The following FSHR variants were observed in gnomAD, a reference collection of about 807,000 sequenced individuals.
The protein encoded by FSHR is follicle-stimulating hormone receptor.
In FSHR, 46 loss-of-function variants were observed where a neutral mutation model predicts 52.1. The ratio of observed to expected loss-of-function variants is 0.88; its 90% confidence interval spans 0.70 to 1.13. The LOEUF is 1.13. Among genes scored for constraint, FSHR ranks in the 50% most tolerant of loss-of-function variants. The pLI is 0.00. For synonymous variants in FSHR, 399 were observed against 309.6 expected (o/e 1.29, Z -3.03); for missense variants, 964 against 834.6 (o/e 1.16, Z -1.91).
chr2:49,065,992 C>T (rs1669489643), intron 2 of FSHR, among the ~76,000 whole-genome samples: 2 of 152,042 alleles, frequency 1.3e-5, no homozygotes, highest in Non-Finnish European at 2.9e-5. Context: ...AAGTAGAATT[C>T]ACTGGATCTT....
Position 49,082,814 on chromosome 2 carries a change from G to A in FSHR, c.153-14524C>T, listed in dbSNP as rs568077174. On this transcript the variant is annotated intron_variant, in intron 1 of 9. Transcript: ENST00000406846. ...TAGAGAAAAAAGAATAAAAAGAAAC[G>A]AGCAAAGCCTCCAAGAAATATGGGA... Among the ~76,000 whole-genome samples, 131 of 152,224 alleles carry A rather than the reference G, an allele frequency of 8.6e-4. 1 individual carries two copies. In the Middle Eastern group the frequency reaches 0.031, roughly 36 times the overall value.
intron 6 of FSHR, among the ~76,000 whole-genome samples, chr2:48,985,157 C>T (rs1171400374): frequency 6.6e-6 from 1 of 152,134 alleles, no homozygotes; most frequent in African/African-American, 2.4e-5. Context: ...CTGGGCAGAA[C>T]ATCAACTAAG....
At chr2:49,035,565 T>C (rs975979251) in intron 2 of FSHR, among the ~76,000 whole-genome samples, 1 of 152,204 alleles carries the variant, frequency 6.6e-6, no homozygotes, top group Admixed American at 6.5e-5. Flanking sequence ...TTAAGGCTCT[T>C]GATCCACCTT....
intron 1 of FSHR, among the ~76,000 whole-genome samples, chr2:49,119,802 A>G (rs1357443474): frequency 6.6e-6 from 1 of 152,236 alleles, no homozygotes; most frequent in Non-Finnish European, 1.5e-5. Context: ...TTTCACACTT[A>G]GAGCTGTGTG....
At chr2:49,087,076 T>TTTTTTG (rs1670426272) in intron 1 of FSHR, among the ~76,000 whole-genome samples, 2 of 142,600 alleles carry the variant, frequency 1.4e-5, no homozygotes, top group Non-Finnish European at 3.0e-5. Context: ...CAGGGTTTTT[T>TTTTTTG]TTTTTTTTTT....
chr2:49,009,109 A>C (rs533510941), intron 4 of FSHR, among the ~76,000 whole-genome samples: 1 of 151,916 alleles, frequency 6.6e-6, no homozygotes, highest in African/African-American at 2.4e-5. Context: ...GCCCATGCCT[A>C]TGTCCTGAAT....
intron 4 of FSHR, among the ~76,000 whole-genome samples, chr2:49,010,449 T>A (rs1255964589): frequency 6.6e-6 from 1 of 152,206 alleles, no homozygotes; most frequent in Non-Finnish European, 1.5e-5. Flanking sequence ...ATTGAAGATT[T>A]TTGCATCAAT....
chr2:49,037,953 A>G (rs996222962), intron 2 of FSHR, among the ~76,000 whole-genome samples: 7 of 152,144 alleles, frequency 4.6e-5, no homozygotes, highest in Non-Finnish European at 7.3e-5. Flanking sequence ...AAAAATCCAC[A>G]CTCAATAGTG....
At chr2:48,967,362 G>A (rs1428363104) in intron 9 of FSHR, among the ~76,000 whole-genome samples, 11 of 152,158 alleles carry the variant, frequency 7.2e-5, no homozygotes, top group Admixed American at 7.2e-4. Flanking sequence ...GCCTCCCAAA[G>A]TGCTGGGGTT....
chr2:49,123,438 G>A (rs1671889822), intron 1 of FSHR, among the ~76,000 whole-genome samples: 1 of 152,124 alleles, frequency 6.6e-6, no homozygotes, highest in Non-Finnish European at 1.5e-5. Context: ...AGTGAGCCAT[G>A]ATCGCATCAC....
At chr2:48,999,019 T>G (rs1411484545) in intron 4 of FSHR, among the ~76,000 whole-genome samples, 1 of 152,088 alleles carries the variant, frequency 6.6e-6, no homozygotes, top group African/African-American at 2.4e-5. Context: ...ATGCTTTGTT[T>G]GTTTGTGTGT....
chr2:49,032,574 T>A (rs1668136625), intron 2 of FSHR, among the ~76,000 whole-genome samples: 1 of 152,260 alleles, frequency 6.6e-6, no homozygotes, highest in South Asian at 2.1e-4. Flanking sequence ...ACTTTCAATG[T>A]TTCCTGCTAA....
intron 1 of FSHR, among the ~76,000 whole-genome samples, chr2:49,120,850 C>A (rs1463853254): frequency 6.6e-6 from 1 of 152,176 alleles, no homozygotes; most frequent in Non-Finnish European, 1.5e-5. Context: ...ACTTTGCTTT[C>A]ATATTTTTAG....
chr2:49,020,061 C>G (rs769155566), intron 3 of FSHR, 25 bp downstream of exon 3: 1 of 1,604,562 alleles, frequency 6.2e-7, no homozygotes. Context: ...TGGCCATGAG[C>G]AAATCCCCCA....
intron 1 of FSHR, among the ~76,000 whole-genome samples, chr2:49,145,486 A>T (rs1672837937): frequency 6.6e-6 from 1 of 152,076 alleles, no homozygotes; most frequent in African/African-American, 2.4e-5. Context: ...TCTAGATGGG[A>T]CAGGCCAATG....
At chr2:49,026,390 C>G (rs538678257) in intron 2 of FSHR, among the ~76,000 whole-genome samples, 11 of 152,270 alleles carry the variant, frequency 7.2e-5, no homozygotes, top group African/African-American at 1.7e-4. Context: ...TGTCAGGCAA[C>G]TTTTCTCTGC....
chr2:49,093,319 G>C (rs748785795), intron 1 of FSHR, among the ~76,000 whole-genome samples: 2 of 152,188 alleles, frequency 1.3e-5, no homozygotes, highest in Non-Finnish European at 2.9e-5. Context: ...AGGTGTACAT[G>C]TGTCTATTCC....
intron 1 of FSHR, among the ~76,000 whole-genome samples, chr2:49,105,588 A>T (rs1342756677): frequency 6.6e-6 from 1 of 152,214 alleles, no homozygotes; most frequent in East Asian, 1.9e-4. Context: ...TTTCTCAGAA[A>T]GATCAGGCTC....
At chr2:49,037,345 T>G (rs974761754) in intron 2 of FSHR, among the ~76,000 whole-genome samples, 2 of 152,230 alleles carry the variant, frequency 1.3e-5, no homozygotes, top group Non-Finnish European at 2.9e-5. Context: ...GTTAGGATAT[T>G]TTCATACCTA....
Sources: allele counts gnomAD v4.1 joint callset (sites outside exome capture counted in the v4.1 genomes callset), GRCh38; gene constraint gnomAD v4.1.1; transcripts MANE v1.5; gene names NCBI Gene and HGNC (gene_info 2026-07-23, HGNC 2026-07-21).